The following TP63 variants were observed in gnomAD, a reference collection of about 807,000 sequenced individuals.
TP63 encodes tumor protein p63, also known as tumor protein 63.
Under a neutral mutation model 82.8 loss-of-function variants are expected in TP63, and 17 were observed. The observed-to-expected ratio is 0.21, with a 90% CI of 0.14 to 0.31. TP63 has a LOEUF of 0.31. Ranked by LOEUF, TP63 falls within the 10% of genes least tolerant of loss-of-function variation. The pLI is 1.00. For synonymous variants in TP63, 330 were observed against 321.7 expected (o/e 1.03, Z -0.28); for missense variants, 648 against 895.3 (o/e 0.72, Z 3.52).
At chr3:189,765,559 A>C (rs142487909) in intron 3 of TP63, among the ~76,000 whole-genome samples, 2,687 of 149,248 alleles carry the variant, frequency 0.018, 85 homozygotes, top group African/African-American at 0.063. Context: ...CAGCCTCCCG[A>C]GTAGCTGGGA....
Position 189,800,580 on chromosome 3 carries a change from C to A in TP63, c.325-7692C>A, listed in dbSNP as rs978245022. Among the ~76,000 whole-genome samples, 4 of 151,850 alleles carry A rather than the reference C, an allele frequency of 2.6e-5. 1 individual carries two copies. Among genetic ancestry groups the A allele is most frequent in the Middle Eastern group, 6.9e-3 (2 of 290 alleles). On this transcript the variant is annotated intron_variant, in intron 3 of 13. Transcript: ENST00000264731. Reference sequence around the variant, plus strand: ...CAGAAATGTGAGTGATTCCTATTTACATGCAGTCGGAATGAAAGCTACTTA... The same window carrying A: ...CAGAAATGTGAGTGATTCCTATTTAAATGCAGTCGGAATGAAAGCTACTTA...
intron 4 of TP63, among the ~76,000 whole-genome samples, chr3:189,853,368 C>T (rs1295329281): frequency 6.6e-6 from 1 of 152,186 alleles, no homozygotes; most frequent in Admixed American, 6.5e-5. Flanking sequence ...TCCCTATTAT[C>T]TCTGATCTTG....
chr3:189,872,750 A>G, intron 9 of TP63, 109 bp from the exon 10 acceptor site: 1 of 1,497,008 alleles, frequency 6.7e-7, no homozygotes, highest in Non-Finnish European at 9.2e-7. Flanking sequence ...AAACGTTAGC[A>G]AATAAACAAA....
chr3:189,759,816 A>C (rs908231600), intron 3 of TP63, among the ~76,000 whole-genome samples: 1 of 152,230 alleles, frequency 6.6e-6, no homozygotes, highest in East Asian at 1.9e-4. Context: ...GCTGATAAAG[A>C]CATACCCAAG....
At chr3:189,765,655 G>A (rs56097670) in intron 3 of TP63, among the ~76,000 whole-genome samples, 10,390 of 151,420 alleles carry the variant, frequency 0.069, 481 homozygotes, top group East Asian at 0.25. Context: ...GGATGGTCTC[G>A]ATCTCCTGAC....
chr3:189,810,381 C>T (rs1727409880), intron 4 of TP63, among the ~76,000 whole-genome samples: 1 of 152,156 alleles, frequency 6.6e-6, no homozygotes, highest in South Asian at 2.1e-4. Context: ...TTTACTCCGC[C>T]AGGTCTCCAT....
chr3:189,872,769 A>G, intron 9 of TP63, 90 bp from the exon 10 acceptor site: 2 of 1,567,828 alleles, frequency 1.3e-6, no homozygotes, highest in Non-Finnish European at 1.7e-6. Context: ...AATTGCAATT[A>G]CGGAATCCTC....
intron 10 of TP63, chr3:189,880,789 T>C: frequency 1.0e-6 from 1 of 985,394 alleles, no homozygotes; most frequent in Non-Finnish European, 1.2e-6. Flanking sequence ...GGAGAGTTCT[T>C]TGTGAGAACT....
At chr3:189,612,544 T>C in the TP63 span, among the ~76,000 whole-genome samples, 1 of 152,086 alleles carries the variant, frequency 6.6e-6, no homozygotes, top group African/African-American at 2.4e-5. Context: ...AGCGTGAAAA[T>C]GAACTAATAC....
chr3:189,689,896 A>G (rs1000786834), intron 1 of TP63, among the ~76,000 whole-genome samples: 2 of 152,156 alleles, frequency 1.3e-5, no homozygotes, highest in Non-Finnish European at 2.9e-5. Context: ...GAGGGTGAAT[A>G]TTGAGAACAA....
At chr3:189,699,335 C>A (rs1717628821) in intron 1 of TP63, among the ~76,000 whole-genome samples, 1 of 152,166 alleles carries the variant, frequency 6.6e-6, no homozygotes, top group Non-Finnish European at 1.5e-5. Flanking sequence ...TTGCTCTTTA[C>A]GTGCAAGTTT....
chr3:189,609,498 C>T, the TP63 span, among the ~76,000 whole-genome samples: 1 of 151,856 alleles, frequency 6.6e-6, no homozygotes, highest in Admixed American at 6.6e-5. Flanking sequence ...AGCCCAGTAC[C>T]CAATAGTTAT....
At chr3:189,694,102 GA>G (rs1717159035) in intron 1 of TP63, among the ~76,000 whole-genome samples, 1 of 152,150 alleles carries the variant, frequency 6.6e-6, no homozygotes, top group Non-Finnish European at 1.5e-5. Context: ...CAGCGGAACA[GA>G]AATGTGACTA....
chr3:189,831,884 C>T (rs1462000036), intron 4 of TP63, among the ~76,000 whole-genome samples: 1 of 116,006 alleles, frequency 8.6e-6, no homozygotes, highest in Admixed American at 1.3e-4. Flanking sequence ...GGCTGGAGGG[C>T]GGTGGCGTGA....
At chr3:189,647,006 G>A (rs1299621156) in intron 1 of TP63, among the ~76,000 whole-genome samples, 1 of 147,208 alleles carries the variant, frequency 6.8e-6, no homozygotes, top group Non-Finnish European at 1.5e-5. Flanking sequence ...GAAATCGTCA[G>A]GCTGGGTAAC....
At chr3:189,736,457 A>T (rs1428655033) in intron 1 of TP63, among the ~76,000 whole-genome samples, 1 of 152,010 alleles carries the variant, frequency 6.6e-6, no homozygotes, top group African/African-American at 2.4e-5. Flanking sequence ...CCTAATTTTC[A>T]TCAGCAAAGG....
rs1169342043 is a variant in TP63, at chr3:189,648,178, A to T, written c.62+16601A>T. Among the ~76,000 whole-genome samples, 3 of 147,068 alleles carry T rather than the reference A, an allele frequency of 2.0e-5. 1 individual carries two copies. Among genetic ancestry groups the T allele is most frequent in the Non-Finnish European group, 4.5e-5 (3 of 67,346 alleles). ...TAATGGAAGAGGAGGAAAGTCTTTA[A>T]ATGGTAGTGTGTGTTCGAATGCCAT... On this transcript the variant is annotated intron_variant, in intron 1 of 13. Coordinates refer to ENST00000264731, the MANE Select transcript of TP63 (RefSeq NM_003722.5).
chr3:189,733,302 G>GT (rs1324798547), intron 1 of TP63, among the ~76,000 whole-genome samples: 8 of 152,144 alleles, frequency 5.3e-5, no homozygotes, highest in Admixed American at 1.3e-4. Flanking sequence ...TTCCTTCTAT[G>GT]TAACACTCTT....
At chr3:189,878,488 G>C (rs575098849) in intron 10 of TP63, among the ~76,000 whole-genome samples, 1 of 146,684 alleles carries the variant, frequency 6.8e-6, no homozygotes, top group African/African-American at 2.5e-5. Flanking sequence ...TCCTGGGTTC[G>C]AACAACTCTC....
Sources: gnomAD v4.1 joint callset for allele counts (sites outside exome capture counted in the v4.1 genomes callset) on GRCh38, gnomAD v4.1.1 for gene constraint, MANE v1.5 for transcripts, NCBI Gene and HGNC (gene_info 2026-07-23, HGNC 2026-07-21) for gene names.